TXK: variants seen among roughly 807,000 people sequenced by gnomAD.
TXK encodes TXK tyrosine kinase, also known as tyrosine-protein kinase TXK.
TXK carries 60 observed loss-of-function variants against 81.0 expected under a neutral mutation model. That is an observed-to-expected ratio of 0.74 (90% CI 0.60 to 0.92). TXK has a LOEUF of 0.92. TXK is among the 40% of genes least tolerant of loss of function. TXK has a pLI of 0.00. For missense variants in TXK, 581 were observed against 638.3 expected, an observed-to-expected ratio of 0.91 and a Z score of 0.97; for synonymous variants, 203 against 210.7, an observed-to-expected ratio of 0.96 and a Z score of 0.32.
intron 14 of TXK, among the ~76,000 whole-genome samples, chr4:48,069,185 C>G (rs1716735162): frequency 6.6e-6 from 1 of 151,944 alleles, no homozygotes. Context: ...CACTGTAGTC[C>G]CAGCTATTCA....
Position 48,067,606 on chromosome 4 carries a change from A to C in TXK, c.*31T>G. 1 of 1,609,242 alleles carries C rather than the reference A, an allele frequency of 6.2e-7. No homozygotes were observed. The highest frequency in any genetic ancestry group is 1.1e-5 in the South Asian group (1 of 91,002). On this transcript the variant is annotated 3_prime_UTR_variant, in exon 15 of 15. Transcript: ENST00000264316. ...TCACAATAAATGACAGTTTTGCAAGATGACTCTTTGGGTTGGCATTCTGTT... is the reference window on the plus strand; with the variant it reads ...TCACAATAAATGACAGTTTTGCAAGCTGACTCTTTGGGTTGGCATTCTGTT...
intron 8 of TXK, among the ~76,000 whole-genome samples, chr4:48,092,244 G>T (rs1717805022): frequency 6.6e-6 from 1 of 152,186 alleles, no homozygotes. Flanking sequence ...GGTGAGAAGA[G>T]TAGTGATCAG....
chr4:48,097,208 C>A lies in TXK; in HGVS notation c.502-1986G>T, dbSNP rs142761126. On this transcript the variant is annotated intron_variant, in intron 6 of 14. Coordinates refer to ENST00000264316, the MANE Select transcript of TXK (RefSeq NM_003328.3). ...CTAATCACTAAATAATGGTGAAAATCAATCAAAAATAATAAGTCACAAGGA... is the reference window on the plus strand; with the variant it reads ...CTAATCACTAAATAATGGTGAAAATAAATCAAAAATAATAAGTCACAAGGA... 8.8e-3 allele frequency among the ~76,000 whole-genome samples: 1,333 copies of A among 151,982 alleles called. 20 individuals are homozygous for A. Among genetic ancestry groups the A allele is most frequent in the African/African-American group, 0.028 (1,154 of 41,488 alleles).
intron 1 of TXK, among the ~76,000 whole-genome samples, chr4:48,115,582 C>T (rs1319531214): frequency 6.6e-6 from 1 of 152,168 alleles, no homozygotes; most frequent in African/African-American, 2.4e-5. Flanking sequence ...GGTGGTGGCT[C>T]ATGCCGCTAA....
intron 9 of TXK, among the ~76,000 whole-genome samples, chr4:48,089,074 G>A (rs1032935706): frequency 2.4e-4 from 37 of 152,290 alleles, no homozygotes; most frequent in African/African-American, 8.9e-4. Context: ...GATACTTTCA[G>A]CAGCTCTTTT....
At chr4:48,093,503 C>T (rs762307540) in intron 8 of TXK, among the ~76,000 whole-genome samples, 9 of 152,198 alleles carry the variant, frequency 5.9e-5, no homozygotes, top group Non-Finnish European at 1.3e-4. Flanking sequence ...GATCCTACAT[C>T]TTTCCACAGA....
chr4:48,124,222 C>A (rs1719026949), intron 1 of TXK, among the ~76,000 whole-genome samples: 3 of 152,066 alleles, frequency 2.0e-5, no homozygotes, highest in Admixed American at 1.3e-4. Context: ...ATATTTAGGG[C>A]ATCTCTGGCC....
chr4:48,114,296 A>C, intron 2 of TXK, 52 bp downstream of exon 2: 2 of 1,586,804 alleles, frequency 1.3e-6, no homozygotes, highest in Non-Finnish European at 1.7e-6. Flanking sequence ...ACAGGTAATA[A>C]AGAAACGGAA....
intron 7 of TXK, among the ~76,000 whole-genome samples, 177 bp from the exon 8 acceptor site, chr4:48,094,381 T>TA (rs1329382936): frequency 6.6e-6 from 1 of 152,132 alleles, no homozygotes; most frequent in African/African-American, 2.4e-5. Context: ...TCAACTACAT[T>TA]ATTGGGGCCT....
chr4:48,107,174 A>G (rs896210357), intron 5 of TXK, among the ~76,000 whole-genome samples: 1 of 151,270 alleles, frequency 6.6e-6, no homozygotes, highest in Non-Finnish European at 1.5e-5. Context: ...AGTTTGAATT[A>G]AGCTGATTGT....
chr4:48,093,540 T>C (rs962293176), intron 8 of TXK, among the ~76,000 whole-genome samples: 3 of 152,226 alleles, frequency 2.0e-5, no homozygotes, highest in Admixed American at 2.0e-4. Flanking sequence ...AGAGCAATTA[T>C]TGCAAACAAT....
rs536443044 is a variant in TXK at position 48,080,598 on chromosome 4, T to A, written c.957-470A>T. On this transcript the variant is annotated intron_variant, in intron 10 of 14. Transcript: ENST00000264316. ...AGCATGAAGTTCTTTAAAAGGAAAA[T>A]TGTAGATAAAGTTGGAAACTAAAAA... is the stretch of plus-strand genomic sequence containing the variant. Among the ~76,000 whole-genome samples the A allele has an allele frequency of 6.7e-5, 10 of 148,996 alleles. No individual in the cohort carries two copies. The Admixed American group carries it at 6.7e-4, about 10-fold the overall frequency.
intron 1 of TXK, among the ~76,000 whole-genome samples, chr4:48,132,727 C>T (rs367750219): frequency 2.6e-5 from 4 of 152,144 alleles, no homozygotes; most frequent in African/African-American, 9.6e-5. Flanking sequence ...AGGCAAATCA[C>T]TTGAGGTCAG....
At chr4:48,103,812 T>C (rs1374973090) in intron 6 of TXK, among the ~76,000 whole-genome samples, 1 of 152,188 alleles carries the variant, frequency 6.6e-6, no homozygotes, top group East Asian at 1.9e-4. Context: ...CATGTATTTT[T>C]CTTTGTTTGT....
chr4:48,133,060 T>C (rs995233149), intron 1 of TXK, among the ~76,000 whole-genome samples: 1 of 152,156 alleles, frequency 6.6e-6, no homozygotes, highest in African/African-American at 2.4e-5. Context: ...AGAATAACAA[T>C]TTTCACCTTG....
rs778171829 is a variant in TXK, at chr4:48,094,097, T to C, written c.689A>G (p.Tyr230Cys). 15 of 1,613,522 alleles carry C rather than the reference T, an allele frequency of 9.3e-6. No individual in the cohort carries two copies. The highest frequency in any genetic ancestry group is 1.3e-5 in the Non-Finnish European group (15 of 1,180,040). ...AFQSIPELIW[Y>C]HQHNAAGLMT... ...CTTACCGGCTGCATTGTGCTGGTGA[T>C]ACCAGATTAACTCAGGGATTGATTG... Residue 230 changes from tyrosine to cysteine, a missense_variant, in exon 8 of 15, where the codon TAT becomes TGT. By Grantham distance (194) the Tyr-to-Cys change is radical. Coordinates refer to ENST00000264316, the MANE Select transcript of TXK (RefSeq NM_003328.3).
chr4:48,127,563 T>C (rs1402809089), intron 1 of TXK, among the ~76,000 whole-genome samples: 1 of 152,214 alleles, frequency 6.6e-6, no homozygotes, highest in Non-Finnish European at 1.5e-5. Flanking sequence ...AGATAGGCAA[T>C]GACTATTTGC....
intron 6 of TXK, among the ~76,000 whole-genome samples, chr4:48,101,672 T>A (rs575373771): frequency 6.6e-6 from 1 of 151,950 alleles, no homozygotes; most frequent in South Asian, 2.1e-4. Flanking sequence ...TATCCCATGC[T>A]TTATATACAC....
intron 1 of TXK, among the ~76,000 whole-genome samples, chr4:48,126,356 C>T (rs1274385173): frequency 2.6e-5 from 4 of 152,152 alleles, no homozygotes; most frequent in Admixed American, 2.6e-4. Context: ...TGTAAGAATA[C>T]AGTGTATGAT....
Sources: allele counts gnomAD v4.1 joint callset (sites outside exome capture counted in the v4.1 genomes callset), GRCh38; gene constraint gnomAD v4.1.1; transcripts MANE v1.5; gene names NCBI Gene and HGNC (gene_info 2026-07-23, HGNC 2026-07-21).